ARMC8: variants seen among roughly 807,000 people sequenced by gnomAD.
The protein encoded by ARMC8 is armadillo repeat-containing protein 8.
ARMC8 carries 20 observed loss-of-function variants against 99.3 expected under a neutral mutation model. That is an observed-to-expected ratio of 0.20 (90% confidence interval 0.14 to 0.29). ARMC8 has a LOEUF of 0.29. ARMC8 is among the 10% of genes least tolerant of loss of function. ARMC8 has a pLI of 1.00. For missense variants in ARMC8, 569 were observed against 809.5 expected, an observed-to-expected ratio of 0.70 and a Z score of 3.60; for synonymous variants, 263 against 278.3, an observed-to-expected ratio of 0.95 and a Z score of 0.55.
At chr3:138,278,452 C>T (rs1295551620) in intron 18 of ARMC8, among the ~76,000 whole-genome samples, 4 of 151,130 alleles carry the variant, frequency 2.6e-5, no homozygotes, top group African/African-American at 7.3e-5. Flanking sequence ...TGCAGTAAGC[C>T]GAGATCACAC....
At chr3:138,287,316 C>T (rs527558906) in intron 19 of ARMC8, among the ~76,000 whole-genome samples, 7 of 152,116 alleles carry the variant, frequency 4.6e-5, no homozygotes, top group Non-Finnish European at 1.0e-4. Context: ...GGAACTTTTT[C>T]TCCTGCTTGG....
intron 12 of ARMC8, among the ~76,000 whole-genome samples, chr3:138,258,668 G>A (rs772225961): frequency 1.3e-5 from 2 of 152,190 alleles, no homozygotes; most frequent in Admixed American, 1.3e-4. Flanking sequence ...ATCCACTCCT[G>A]CAAGAGCAGC....
At chr3:138,240,057 C>A (rs182215201) in intron 10 of ARMC8, among the ~76,000 whole-genome samples, 2 of 152,040 alleles carry the variant, frequency 1.3e-5, no homozygotes, top group African/African-American at 2.4e-5. Flanking sequence ...AGTCCTAAAA[C>A]CTGGATTCTG....
intron 11 of ARMC8, 79 bp from the exon 12 acceptor site, chr3:138,245,005 CTTTT>C: frequency 6.7e-7 from 1 of 1,488,026 alleles, no homozygotes; most frequent in Non-Finnish European, 9.1e-7. Flanking sequence ...AAGTTGTAAA[CTTTT>C]TTTTTCTTCA....
At chr3:138,252,862 C>G (rs994964791) in intron 12 of ARMC8, among the ~76,000 whole-genome samples, 1 of 151,026 alleles carries the variant, frequency 6.6e-6, no homozygotes, top group Non-Finnish European at 1.5e-5. Flanking sequence ...AGGGCCCTGA[C>G]CAGAAGAGGG....
chr3:138,273,900 T>G (rs2049017289), intron 17 of ARMC8, among the ~76,000 whole-genome samples: 1 of 151,090 alleles, frequency 6.6e-6, no homozygotes, highest in African/African-American at 2.4e-5. Context: ...CATTGCAACC[T>G]CCACTTCCCG....
At chr3:138,196,073 A>G (rs1254312124) in intron 1 of ARMC8, among the ~76,000 whole-genome samples, 1 of 152,218 alleles carries the variant, frequency 6.6e-6, no homozygotes. Flanking sequence ...CCTGGAAAGT[A>G]ATTATCGAAC....
intron 12 of ARMC8, chr3:138,245,621 ATGT>A (rs1281089072): frequency 2.0e-6 from 2 of 997,678 alleles, no homozygotes; most frequent in Non-Finnish European, 2.4e-6. Context: ...GCTTAGTTTT[ATGT>A]TTTGATTTTT....
intron 2 of ARMC8, among the ~76,000 whole-genome samples, chr3:138,218,586 G>T (rs974921085): frequency 6.6e-6 from 1 of 152,002 alleles, no homozygotes; most frequent in African/African-American, 2.4e-5. Flanking sequence ...CTTAACCATT[G>T]CCTCAAAACC....
At chr3:138,267,616 T>G (rs937733833) in intron 15 of ARMC8, among the ~76,000 whole-genome samples, 1 of 152,234 alleles carries the variant, frequency 6.6e-6, no homozygotes, top group Non-Finnish European at 1.5e-5. Context: ...ATAAATCATT[T>G]CAAGGACATA....
intron 12 of ARMC8, chr3:138,262,585 A>G (rs751599518): frequency 3.8e-6 from 6 of 1,592,894 alleles, no homozygotes; most frequent in Middle Eastern, 3.4e-4. Context: ...TACTGGACTC[A>G]CCTGAGGAGA....
chr3:138,287,734 C>T (rs1307479475), intron 19 of ARMC8: 2 of 456,414 alleles, frequency 4.4e-6, no homozygotes, highest in African/African-American at 2.0e-5. Flanking sequence ...ATTTCTTTGT[C>T]TCTGCTTAGT....
intron 17 of ARMC8, among the ~76,000 whole-genome samples, chr3:138,274,071 G>T (rs1560028856): frequency 6.6e-6 from 1 of 152,080 alleles, no homozygotes; most frequent in East Asian, 1.9e-4. Context: ...GCCCACCTCG[G>T]CCCCCCAAAG....
At chr3:138,292,808 A>G (rs571624927) in intron 21 of ARMC8, among the ~76,000 whole-genome samples, 55 of 152,242 alleles carry the variant, frequency 3.6e-4, no homozygotes, top group African/African-American at 1.3e-3. Context: ...AAAAGAGAGA[A>G]AGGAGGACTA....
At chr3:138,217,701 G>A (rs1250571605) in intron 2 of ARMC8, among the ~76,000 whole-genome samples, 1 of 152,182 alleles carries the variant, frequency 6.6e-6, no homozygotes, top group Non-Finnish European at 1.5e-5. Context: ...ATGCATGTTT[G>A]TAACATCTTA....
chr3:138,227,455 C>T (rs2045753399), intron 5 of ARMC8, among the ~76,000 whole-genome samples: 1 of 152,182 alleles, frequency 6.6e-6, no homozygotes, highest in Non-Finnish European at 1.5e-5. Flanking sequence ...TTTTCCTTTT[C>T]TTTCTGTACA....
intron 15 of ARMC8, among the ~76,000 whole-genome samples, 153 bp from the exon 16 acceptor site, chr3:138,269,887 G>A (rs149414997): frequency 1.4e-5 from 2 of 143,740 alleles, no homozygotes; most frequent in East Asian, 4.3e-4. Flanking sequence ...TTCTCAAGGT[G>A]ATTTTTATGG....
intron 18 of ARMC8, among the ~76,000 whole-genome samples, chr3:138,274,923 G>A (rs1422091923): frequency 6.6e-6 from 1 of 152,114 alleles, no homozygotes; most frequent in African/African-American, 2.4e-5. Flanking sequence ...CAAAATTCCT[G>A]CGACTCGCTG....
At position 138,223,749 on chromosome 3, in the gene ARMC8, A is replaced by G; in HGVS notation, c.435+16A>G. ...ACTGTATACAGTGAGTTTTAGATGT[A>G]TTTGAGACATTAGTTACATTTCACC... On this transcript the variant is annotated intron_variant, in intron 5 of 21. Coordinates refer to ENST00000469044, the MANE Select transcript of ARMC8 (RefSeq NM_001363941.2). The G allele has an allele frequency of 6.3e-7, 1 of 1,593,412 alleles. No homozygotes were observed. Among genetic ancestry groups the G allele is most frequent in the Non-Finnish European group, 8.6e-7 (1 of 1,161,552 alleles).
Sources: gnomAD v4.1 joint callset for allele counts (sites outside exome capture counted in the v4.1 genomes callset) on GRCh38, gnomAD v4.1.1 for gene constraint, MANE v1.5 for transcripts, NCBI Gene and HGNC (gene_info 2026-07-23, HGNC 2026-07-21) for gene names.